SYNE1: variants seen among roughly 807,000 people sequenced by gnomAD.
The protein encoded by SYNE1 is nesprin-1.
A neutral mutation model predicts 1,111.0 loss-of-function variants in SYNE1; 616 were observed. The ratio of observed to expected loss-of-function variants is 0.55; its 90% CI spans 0.52 to 0.59. The LOEUF (loss-of-function observed/expected upper bound fraction) is 0.59. Ranked by LOEUF, SYNE1 falls within the 20% of genes least tolerant of loss-of-function variation. The probability of loss-of-function intolerance (pLI) is 0.00; values close to 1 mark genes in which losing one functional copy is unlikely to be tolerated. For synonymous variants in SYNE1, 3,855 were observed against 3,825.8 expected, an observed-to-expected ratio of 1.01 and a Z score of -0.28; for missense variants, 10,006 against 10,417.0, an observed-to-expected ratio of 0.96 and a Z score of 1.72.
intron 42 of SYNE1, among the ~76,000 whole-genome samples, chr6:152,412,769 A>C (rs1471220061): frequency 6.6e-6 from 1 of 152,186 alleles, no homozygotes; most frequent in Non-Finnish European, 1.5e-5. Context: ...AAAAAAAAGT[A>C]GAAAATTAAA....
intron 141 of SYNE1, 50 bp downstream of exon 141, chr6:152,136,568 A>C: frequency 6.2e-7 from 1 of 1,605,966 alleles, no homozygotes; most frequent in Non-Finnish European, 8.5e-7. Context: ...CACTCAGCTA[A>C]ATTGCTAATG....
chr6:152,305,344 C>A (rs1026850581), intron 91 of SYNE1, among the ~76,000 whole-genome samples: 2 of 152,146 alleles, frequency 1.3e-5, no homozygotes, highest in Non-Finnish European at 2.9e-5. Context: ...TGGCTCACTG[C>A]AACCTCCACC....
chr6:152,604,996 GAAAGAAAGAA>G (rs1340840517), intron 3 of SYNE1, among the ~76,000 whole-genome samples: 1,221 of 26,654 alleles, frequency 0.046, 8 homozygotes, highest in Non-Finnish European at 0.059. Context: ...AAGAAAGAAA[GAAAGAAAGAA>G]AGAGAGAGAG....
chr6:152,288,805 C>T (rs2094451902), intron 95 of SYNE1, among the ~76,000 whole-genome samples: 1 of 152,188 alleles, frequency 6.6e-6, no homozygotes, highest in African/African-American at 2.4e-5. Context: ...CTTGGCCTCC[C>T]AAAGTGCTGG....
chr6:152,515,990 T>C (rs988690386), intron 6 of SYNE1, among the ~76,000 whole-genome samples: 1 of 152,184 alleles, frequency 6.6e-6, no homozygotes, highest in Non-Finnish European at 1.5e-5. Flanking sequence ...ATAAATGTCC[T>C]GTTATCAAAA....
At chr6:152,623,475 T>G (rs570270949) in intron 3 of SYNE1, among the ~76,000 whole-genome samples, 1 of 152,226 alleles carries the variant, frequency 6.6e-6, no homozygotes, top group East Asian at 1.9e-4. Context: ...AAAGATTACA[T>G]GATGAAGATG....
Position 152,450,805 on chromosome 6 carries a change from T to G in SYNE1, c.3215A>C (p.His1072Pro). ...RVFFSDKGPH[H>P]LCEKRLQLIE... ...GAGCTGTAACCTTTTCTCACAGAGA[T>G]GATGAGGACCTTTGTCACTGAAGAA... Residue 1072 changes from histidine (H) to proline (P), a missense_variant, in exon 27 of 146, where the codon CAT becomes CCT. Coordinates refer to ENST00000367255, the MANE Select transcript of SYNE1 (RefSeq NM_182961.4). 1 of 1,614,126 alleles carries G rather than the reference T, an allele frequency of 6.2e-7. No individual in the cohort carries two copies. Among genetic ancestry groups the G allele is most frequent in the Non-Finnish European group, 8.5e-7 (1 of 1,180,034 alleles).
At chr6:152,543,729 T>A (rs572196052) in intron 3 of SYNE1, among the ~76,000 whole-genome samples, 1 of 152,346 alleles carries the variant, frequency 6.6e-6, no homozygotes, top group Non-Finnish European at 1.5e-5. Flanking sequence ...AGTTGTCTAG[T>A]GATGTCCTGC....
intron 39 of SYNE1, among the ~76,000 whole-genome samples, 171 bp downstream of exon 39, chr6:152,425,210 G>A (rs556747145): frequency 6.6e-6 from 1 of 152,268 alleles, no homozygotes; most frequent in South Asian, 2.1e-4. Flanking sequence ...CATCAGAAAT[G>A]CTCAGTTTTG....
At chr6:152,185,371 G>A (rs2069548257) in intron 128 of SYNE1, 1 of 152,218 alleles carries the variant, frequency 6.6e-6, no homozygotes, top group Non-Finnish European at 1.5e-5. Flanking sequence ...CTCCTTAGTA[G>A]GGATAATGTT....
chr6:152,526,518 A>G (rs2099164430), intron 4 of SYNE1, among the ~76,000 whole-genome samples: 1 of 152,202 alleles, frequency 6.6e-6, no homozygotes, highest in Non-Finnish European at 1.5e-5. Flanking sequence ...AAGATAAGAG[A>G]GAGATTATAG....
At chr6:152,125,371 C>T (rs1229969862) in intron 145 of SYNE1, 2 of 1,544,560 alleles carry the variant, frequency 1.3e-6, no homozygotes, top group East Asian at 2.4e-5. Flanking sequence ...TAAGGCCTCA[C>T]AGTATCCTGC....
At chr6:152,327,634 C>T (rs750106069) in intron 78 of SYNE1, among the ~76,000 whole-genome samples, 7 of 152,208 alleles carry the variant, frequency 4.6e-5, no homozygotes, top group African/African-American at 7.2e-5. Flanking sequence ...ATAGAATCAG[C>T]GGAGGGAATA....
chr6:152,615,484 TATC>T, intron 3 of SYNE1, among the ~76,000 whole-genome samples: 1 of 152,222 alleles, frequency 6.6e-6, no homozygotes, highest in East Asian at 1.9e-4. Context: ...CTTTCAAATA[TATC>T]AGAAATAACA....
Position 152,431,510 on chromosome 6 carries a change from CAT to C in SYNE1, c.4462-803_4462-802del, listed in dbSNP as rs1262360465. On this transcript the variant is annotated intron_variant, in intron 34 of 145. Coordinates refer to ENST00000367255, the MANE Select transcript of SYNE1 (RefSeq NM_182961.4). ...TATTAAGGAAGTGTGTGCATGTGCA[CAT>C]GTGTTTATGTGTGTCTGTGGAGTGT... Among the ~76,000 whole-genome samples the C allele has an allele frequency of 3.9e-5, 6 of 152,294 alleles. No homozygotes were observed. In the South Asian group the frequency reaches 8.3e-4, roughly 21 times the overall value.
chr6:152,267,199 T>TA (rs2092798506), intron 100 of SYNE1, among the ~76,000 whole-genome samples: 1 of 152,160 alleles, frequency 6.6e-6, no homozygotes, highest in Admixed American at 6.5e-5. Context: ...TTACTTCCCC[T>TA]AAAAAATGAC....
At chr6:152,498,903 G>T in intron 10 of SYNE1, 111 bp from the exon 11 acceptor site, 1 of 542,214 alleles carries the variant, frequency 1.8e-6, no homozygotes, top group Non-Finnish European at 3.0e-6. Flanking sequence ...AGAGAAATAG[G>T]CAATCATTTC....
intron 3 of SYNE1, among the ~76,000 whole-genome samples, chr6:152,596,010 G>A (rs2099579942): frequency 6.8e-6 from 1 of 147,502 alleles, no homozygotes; most frequent in Non-Finnish European, 1.5e-5. Flanking sequence ...AGAACTGAGG[G>A]CTCGAACCAA....
chr6:152,489,260 G>A (rs1332429510), intron 11 of SYNE1, among the ~76,000 whole-genome samples: 3 of 151,998 alleles, frequency 2.0e-5, no homozygotes, highest in Admixed American at 2.0e-4. Flanking sequence ...TAATCATACC[G>A]TACATGATTT....
Sources: allele counts gnomAD v4.1 joint callset (sites outside exome capture counted in the v4.1 genomes callset), GRCh38; gene constraint gnomAD v4.1.1; transcripts MANE v1.5; gene names NCBI Gene and HGNC (gene_info 2026-07-23, HGNC 2026-07-21).